Variants in CDK5R1 observed in about 807,000 individuals in gnomAD.
The protein encoded by CDK5R1 is cyclin dependent kinase 5 regulatory subunit 1, also known as cyclin-dependent kinase 5 activator 1.
Under a neutral mutation model 19.0 loss-of-function variants are expected in CDK5R1, and 1 was observed. The ratio of observed to expected loss-of-function variants is 0.05; its 90% CI spans 0.02 to 0.25. The LOEUF is 0.25. Ranked by LOEUF, CDK5R1 falls within the 10% of genes least tolerant of loss-of-function variation. The pLI, the probability that CDK5R1 is intolerant of heterozygous loss-of-function variation, is 1.00. For missense variants in CDK5R1, 314 were observed against 401.0 expected (o/e 0.78, Z 1.85); for synonymous variants, 225 against 187.7 (o/e 1.20, Z -1.62).
At position 32,488,612 on chromosome 17, in the gene CDK5R1, T is replaced by G; in HGVS notation, c.*68T>G. ...TAAGAATTTATTATTAAATCAGTTTTGTGTACAGTATGTGTCTAGCAAAGC... is the reference window on the plus strand; with the variant it reads ...TAAGAATTTATTATTAAATCAGTTTGGTGTACAGTATGTGTCTAGCAAAGC... On this transcript the variant is annotated 3_prime_UTR_variant, in exon 2 of 2. Coordinates refer to ENST00000313401, the MANE Select transcript of CDK5R1 (RefSeq NM_003885.3). 1 of 1,599,886 alleles carries G rather than the reference T, an allele frequency of 6.3e-7. No homozygotes were observed. Among genetic ancestry groups the G allele is most frequent in the African/African-American group, 1.3e-5 (1 of 74,530 alleles).
chr17:32,490,605 T>C lies in CDK5R1; in HGVS notation c.*2061T>C, dbSNP rs963263134. The C allele has an allele frequency of 6.0e-5, 10 of 167,092 alleles. No individual in the cohort carries two copies. The highest frequency in any genetic ancestry group is 2.2e-4 in the African/African-American group (9 of 41,446). 10.4% of individuals were successfully genotyped at this position (167,092 alleles called of 1,614,324 possible). ...GTATTGTGTAAAGGAACAACTGATATACTTGAGTGTGCAAGCAAAGAACCC... is the reference window on the plus strand; with the variant it reads ...GTATTGTGTAAAGGAACAACTGATACACTTGAGTGTGCAAGCAAAGAACCC... On this transcript the variant is annotated 3_prime_UTR_variant, in exon 2 of 2. Transcript: ENST00000313401.
chr17:32,491,207 A>T lies in CDK5R1; in HGVS notation c.*2663A>T, dbSNP rs940111215. 2 of 167,044 alleles carry T rather than the reference A, an allele frequency of 1.2e-5. No individual in the cohort carries two copies. Among genetic ancestry groups the T allele is most frequent in the South Asian group, 2.1e-4 (1 of 4,816 alleles). 10.3% of individuals were successfully genotyped at this position (167,044 alleles called of 1,614,324 possible). ...ATTTAATTCCCCTTCCCTTATTTTTATTTATTTTTGTACTGTGCTGATTCA... is the reference window on the plus strand; with the variant it reads ...ATTTAATTCCCCTTCCCTTATTTTTTTTTATTTTTGTACTGTGCTGATTCA... On this transcript the variant is annotated 3_prime_UTR_variant, in exon 2 of 2. Coordinates refer to ENST00000313401, the MANE Select transcript of CDK5R1 (RefSeq NM_003885.3).
rs546998437 is a variant in CDK5R1, at chr17:32,487,404, G to C, written c.-145-72G>C. On this transcript the variant is annotated intron_variant, in intron 1 of 1. Coordinates refer to ENST00000313401, the MANE Select transcript of CDK5R1 (RefSeq NM_003885.3). The surrounding 1 kb of genome is among the most constrained non-coding windows in gnomAD (Gnocchi z 7.9). ...GCGGCGGGGTGCGCCGAGGCGCGGG[G>C]CGGAGGGGCGCAGGGGCGCAGGGGC... 3.2e-4 allele frequency: 110 copies of C among 342,270 alleles called. No homozygotes were observed. The highest frequency in any genetic ancestry group is 2.4e-3 in the African/African-American group (108 of 45,920). The allele number at this position is 342,270 out of a possible 1,614,324, so 21.2% of individuals were successfully genotyped here.
rs373500082 is a variant in CDK5R1, at chr17:32,488,460, C to A, written c.840C>A (p.His280Gln). 2.5e-6 allele frequency: 4 copies of A among 1,614,102 alleles called. No homozygotes were observed. Among genetic ancestry groups the A allele is most frequent in the Non-Finnish European group, 3.4e-6 (4 of 1,180,056 alleles). ...SKMLQINADP[H>Q]YFTQVFSDLK... ...TGCTGCAGATAAATGCCGACCCACA[C>A]TACTTCACACAGGTCTTCTCCGACC... The change falls in exon 2 of 2, where the codon CAC becomes CAA. Residue 280 changes from histidine (H) to glutamine (Q), a missense_variant. His to Gln is a conservative substitution (Grantham distance 24, BLOSUM62 0). Transcript: ENST00000313401.
Position 32,488,689 on chromosome 17 carries a change from C to T in CDK5R1, c.*145C>T. 6.9e-7 allele frequency: 1 copy of T among 1,440,824 alleles called. No individual in the cohort carries two copies. Among genetic ancestry groups the T allele is most frequent in the South Asian group, 1.2e-5 (1 of 80,312 alleles). The allele number at this position is 1,440,824 out of a possible 1,614,324, so 89.3% of individuals were successfully genotyped here. A position where few individuals can be genotyped will look rare whatever the true frequency, so the allele number is the denominator to read the frequency against. ...TCTCTCCCTGGGGTTTTTTTCATCC[C>T]TGCCAAGAACTCTGGGCACTTTTGA... On this transcript the variant is annotated 3_prime_UTR_variant, in exon 2 of 2. Coordinates refer to ENST00000313401, the MANE Select transcript of CDK5R1 (RefSeq NM_003885.3).
rs1402660648 is a variant in CDK5R1, at chr17:32,490,828, A to G, written c.*2284A>G. ...ATGCACAGAACAAGCCACAGGAATA[A>G]TAGTTCAGGATTTGGTTTTTCTCTT... On this transcript the variant is annotated 3_prime_UTR_variant, in exon 2 of 2. Coordinates refer to ENST00000313401, the MANE Select transcript of CDK5R1 (RefSeq NM_003885.3). The G allele has an allele frequency of 6.0e-6, 1 of 167,114 alleles. No homozygotes were observed. The highest frequency in any genetic ancestry group is 1.9e-4 in the East Asian group (1 of 5,208). The allele number at this position is 167,114 out of a possible 1,614,324, so 10.4% of individuals were successfully genotyped here.
rs1446603425 is a variant in CDK5R1, at chr17:32,491,070, G to T, written c.*2526G>T. The T allele has an allele frequency of 6.0e-6, 1 of 167,020 alleles. No individual in the cohort carries two copies. The highest frequency in any genetic ancestry group is 1.9e-4 in the East Asian group (1 of 5,210). The allele number at this position is 167,020 out of a possible 1,614,324, so 10.3% of individuals were successfully genotyped here. On this transcript the variant is annotated 3_prime_UTR_variant, in exon 2 of 2. Transcript: ENST00000313401. ...TGTAGCTATTCTTTGACCAAACTGT[G>T]GGTATTGTTAATATTAATTTATATT...
chr17:32,488,728 G>C lies in CDK5R1; in HGVS notation c.*184G>C. Reference sequence around the variant, plus strand: ...GGGCACTTTTGAACTCACGAGCCTTGCGCAAAACCCAGAAGATGTATTCAG... The same window carrying C: ...GGGCACTTTTGAACTCACGAGCCTTCCGCAAAACCCAGAAGATGTATTCAG... On this transcript the variant is annotated 3_prime_UTR_variant, in exon 2 of 2. Coordinates refer to ENST00000313401, the MANE Select transcript of CDK5R1 (RefSeq NM_003885.3). 4 of 1,157,282 alleles carry C rather than the reference G, an allele frequency of 3.5e-6. No homozygotes were observed. The highest frequency in any genetic ancestry group is 4.9e-6 in the Non-Finnish European group (4 of 813,276). The allele number at this position is 1,157,282 out of a possible 1,614,324, so 71.7% of individuals were successfully genotyped here.
Position 32,488,381 on chromosome 17 carries a change from A to C in CDK5R1, c.761A>C (p.Lys254Thr). The change falls in exon 2 of 2, where the codon AAG becomes ACG. Residue 254 changes from lysine (K) to threonine (T), a missense_variant. Physicochemically the swap from Lys to Thr is moderately conservative, Grantham distance 78 (BLOSUM62 -1). This residue lies in a region of CDK5R1 where 106 missense variants were observed against 132.1 expected (regional missense o/e 0.80). Transcript: ENST00000313401. ...PLKPFLVESCKEAFWDRCLSV... is the reference protein window; with the variant it reads ...PLKPFLVESCTEAFWDRCLSV... ...AAGCCCTTCCTGGTGGAGAGCTGCA[A>C]GGAGGCCTTTTGGGACCGTTGCCTC... 1 of 1,614,000 alleles carries C rather than the reference A, an allele frequency of 6.2e-7. No homozygotes were observed. Among genetic ancestry groups the C allele is most frequent in the Non-Finnish European group, 8.5e-7 (1 of 1,179,996 alleles).
Position 32,487,909 on chromosome 17 carries a change from A to G in CDK5R1, c.289A>G (p.Thr97Ala), listed in dbSNP as rs761412881. Residue 97 changes from threonine (T) to alanine (A), a missense_variant, in exon 2 of 2, where the codon ACA becomes GCA. Around this residue, in one of 3 missense-constraint regions of CDK5R1, gnomAD observed 197 missense variants for 230.2 expected, o/e 0.86. Transcript: ENST00000313401. The surrounding 1 kb of genome is among the most constrained non-coding windows in gnomAD (Gnocchi z 7.9). ...GTCGCTGTCGTGCGCCAACCTGTCC[A>G]CATTCGCCCAGCCCCCACCGGCCCA... Reference protein sequence around the residue: ...KKSLSCANLSTFAQPPPAQPP... With the variant: ...KKSLSCANLSAFAQPPPAQPP... The G allele has an allele frequency of 6.2e-7, 1 of 1,613,596 alleles. No individual in the cohort carries two copies.
rs908071888 is a variant in CDK5R1 at position 32,487,064 on chromosome 17, G to GCCGAGCGCCC, written c.-234_-225dup. ...CCGAGCGCGAGCCCAGCCGATCCCC[G>GCCGAGCGCCC]CCGAGCGCCCCCGAGCGCCGCCGAG... On this transcript the variant is annotated 5_prime_UTR_variant, in exon 1 of 2. Coordinates refer to ENST00000313401, the MANE Select transcript of CDK5R1 (RefSeq NM_003885.3). The surrounding 1 kb of genome is among the most constrained non-coding windows in gnomAD (Gnocchi z 7.9). 3 of 149,214 alleles carry GCCGAGCGCCC rather than the reference G, an allele frequency of 2.0e-5. No homozygotes were observed. The highest frequency in any genetic ancestry group is 2.9e-5 in the Non-Finnish European group (2 of 68,144). 9.2% of individuals were successfully genotyped at this position (149,214 alleles called of 1,614,324 possible).
rs777321810 is a variant in CDK5R1 at position 32,487,697 on chromosome 17, A to G, written c.77A>G (p.His26Arg). ...GAGGATGGCGCGGCCACCGTGGGCC[A>G]CTATACGGCCGTACAGAACAGCAAG... ...LFEDGAATVG[H>R]YTAVQNSKNA... The change falls in exon 2 of 2, where the codon CAC (histidine) becomes CGC (arginine). Residue 26 changes from histidine to arginine, a missense_variant. His to Arg is a conservative substitution (Grantham distance 29, BLOSUM62 0). This residue lies in a region of CDK5R1 where 197 missense variants were observed against 230.2 expected (regional missense o/e 0.86). Coordinates refer to ENST00000313401, the MANE Select transcript of CDK5R1 (RefSeq NM_003885.3). This position sits in a 1 kb window ranked among gnomAD's most constrained non-coding sequence, Gnocchi z 7.9. 4 of 1,613,636 alleles carry G rather than the reference A, an allele frequency of 2.5e-6. No individual in the cohort carries two copies. The highest frequency in any genetic ancestry group is 1.3e-5 in the African/African-American group (1 of 75,052).
rs886798052 is a variant in CDK5R1, at chr17:32,490,146, C to T, written c.*1602C>T. On this transcript the variant is annotated 3_prime_UTR_variant, in exon 2 of 2. Transcript: ENST00000313401. ...ACATCTGCCTTGCTGCACCTGAGGCCCAGCAGAGCCGTTCCTGGGACTGTC... is the reference window on the plus strand; with the variant it reads ...ACATCTGCCTTGCTGCACCTGAGGCTCAGCAGAGCCGTTCCTGGGACTGTC... 1.2e-5 allele frequency: 2 copies of T among 167,102 alleles called. No individual in the cohort carries two copies. Among genetic ancestry groups the T allele is most frequent in the African/African-American group, 2.4e-5 (1 of 41,426 alleles). The allele number at this position is 167,102 out of a possible 1,614,324, so 10.4% of individuals were successfully genotyped here. A position where few individuals can be genotyped will look rare whatever the true frequency, so the allele number is the denominator to read the frequency against.
chr17:32,489,060 G>A lies in CDK5R1; in HGVS notation c.*516G>A, dbSNP rs1908779335. ...CCGGGGACATCTTCAATCTAGGCGAGGCGAAGCTGAGCGGGTCTAGTGGAA... is the reference window on the plus strand; with the variant it reads ...CCGGGGACATCTTCAATCTAGGCGAAGCGAAGCTGAGCGGGTCTAGTGGAA... On this transcript the variant is annotated 3_prime_UTR_variant, in exon 2 of 2. Transcript: ENST00000313401. 4.5e-6 allele frequency: 2 copies of A among 445,400 alleles called. No individual in the cohort carries two copies. Among genetic ancestry groups the A allele is most frequent in the Admixed American group, 2.5e-5 (1 of 40,216 alleles). 27.6% of individuals were successfully genotyped at this position (445,400 alleles called of 1,614,324 possible). A position where few individuals can be genotyped will look rare whatever the true frequency, so the allele number is the denominator to read the frequency against.
chr17:32,487,523 C>T lies in CDK5R1; in HGVS notation c.-98C>T. On this transcript the variant is annotated 5_prime_UTR_variant, in exon 2 of 2. Transcript: ENST00000313401. The surrounding 1 kb of genome is among the most constrained non-coding windows in gnomAD (Gnocchi z 7.9). ...CTTCCCGGGAGCGCCCCCGCCTCCT[C>T]TCCGGGGCCGCCGCAGGCTCGGTGA... 4.1e-6 allele frequency: 4 copies of T among 966,834 alleles called. No individual in the cohort carries two copies. The highest frequency in any genetic ancestry group is 1.7e-5 in the African/African-American group (1 of 60,502). The allele number at this position is 966,834 out of a possible 1,614,324, so 59.9% of individuals were successfully genotyped here.
rs1555618567 is a variant in CDK5R1, at chr17:32,487,015, CCGCCGCCGCCGCCGT to C, written c.-281_-267del. 3.2e-5 allele frequency: 5 copies of C among 155,026 alleles called. No homozygotes were observed. Among genetic ancestry groups the C allele is most frequent in the South Asian group, 1.8e-4 (1 of 5,692 alleles). The allele number at this position is 155,026 out of a possible 1,614,324, so 9.6% of individuals were successfully genotyped here. A position where few individuals can be genotyped will look rare whatever the true frequency, so the allele number is the denominator to read the frequency against. The stretch of plus-strand genomic sequence containing the variant: ...GACAGAAGCTCCCTAGCTGCCGCCG[CCGCCGCCGCCGCCGT>C]CGCCGCCGCCGAGCGCGAGCCCAGC... On this transcript the variant is annotated 5_prime_UTR_variant, in exon 1 of 2. Transcript: ENST00000313401. This position sits in a 1 kb window ranked among gnomAD's most constrained non-coding sequence, Gnocchi z 7.9.
At position 32,488,808 on chromosome 17, in the gene CDK5R1, C is replaced by T. The variant is rs1351662738; in HGVS notation, c.*264C>T. 1.7e-5 allele frequency: 9 copies of T among 540,934 alleles called. No individual in the cohort carries two copies. Among genetic ancestry groups the T allele is most frequent in the Non-Finnish European group, 2.6e-5 (8 of 304,104 alleles). The allele number at this position is 540,934 out of a possible 1,614,324, so 33.5% of individuals were successfully genotyped here. ...GGGGAACTCAAAGGACTGACCTGCC[C>T]CTGCCGCCTGTGCCCTTGCTGGGTC... On this transcript the variant is annotated 3_prime_UTR_variant, in exon 2 of 2. Coordinates refer to ENST00000313401, the MANE Select transcript of CDK5R1 (RefSeq NM_003885.3).
At position 32,490,447 on chromosome 17, in the gene CDK5R1, C is replaced by T. The variant is rs1908831303; in HGVS notation, c.*1903C>T. ...ATTCCAGTTGCGTGTCTGTTTCCTT[C>T]TCTTTCTCCGTATTTATTTTTTTAT... On this transcript the variant is annotated 3_prime_UTR_variant, in exon 2 of 2. Coordinates refer to ENST00000313401, the MANE Select transcript of CDK5R1 (RefSeq NM_003885.3). 6.0e-6 allele frequency: 1 copy of T among 166,968 alleles called. No homozygotes were observed. Among genetic ancestry groups the T allele is most frequent in the Non-Finnish European group, 1.5e-5 (1 of 68,022 alleles). The allele number at this position is 166,968 out of a possible 1,614,324, so 10.3% of individuals were successfully genotyped here. A position where few individuals can be genotyped will look rare whatever the true frequency, so the allele number is the denominator to read the frequency against.
rs763572332 is a variant in CDK5R1 at position 32,487,897 on chromosome 17, G to T, written c.277G>T (p.Ala93Ser). ...NENLKKSLSC[A>S]NLSTFAQPPP... ...GAACCTGAAGAAGTCGCTGTCGTGC[G>T]CCAACCTGTCCACATTCGCCCAGCC... The change falls in exon 2 of 2, where the codon GCC (alanine) becomes TCC (serine). Residue 93 changes from alanine (A) to serine (S), a missense_variant. By Grantham distance (99) the Ala-to-Ser change is moderately conservative (BLOSUM62 1). This residue lies in a region of CDK5R1 where 197 missense variants were observed against 230.2 expected (regional missense o/e 0.86). Coordinates refer to ENST00000313401, the MANE Select transcript of CDK5R1 (RefSeq NM_003885.3). The surrounding 1 kb of genome is among the most constrained non-coding windows in gnomAD (Gnocchi z 7.9). 1 of 1,613,664 alleles carries T rather than the reference G, an allele frequency of 6.2e-7. No homozygotes were observed. The highest frequency in any genetic ancestry group is 2.2e-5 in the East Asian group (1 of 44,876).
Sources: allele counts gnomAD v4.1 joint callset, GRCh38; gene constraint gnomAD v4.1.1; regional missense constraint gnomAD v4.1.1; non-coding constraint Gnocchi (gnomAD v3.1); transcripts MANE v1.5; gene names NCBI Gene and HGNC (gene_info 2026-07-23, HGNC 2026-07-21).